SUPT6H: variants seen among roughly 807,000 people sequenced by gnomAD.
The protein encoded by SUPT6H is SPT6 homolog, histone chaperone and transcription elongation factor, also known as transcription elongation factor SPT6.
Under a neutral mutation model 222.3 loss-of-function variants are expected in SUPT6H, and 11 were observed. That is an observed-to-expected ratio of 0.05 (90% confidence interval 0.03 to 0.08). The LOEUF (loss-of-function observed/expected upper bound fraction) is 0.08, where lower values mean the gene tolerates loss of function less well. SUPT6H is among the 10% of genes least tolerant of loss of function. The pLI is 1.00. For missense variants in SUPT6H, 1,422 were observed against 2,216.0 expected, an observed-to-expected ratio of 0.64 and a Z score of 7.19; for synonymous variants, 762 against 801.2, an observed-to-expected ratio of 0.95 and a Z score of 0.83.
chr17:28,682,985 A>C lies in SUPT6H; in HGVS notation c.1771A>C (p.Met591Leu), dbSNP rs1295031306. 1 of 1,613,620 alleles carries C rather than the reference A, an allele frequency of 6.2e-7. No homozygotes were observed. The highest frequency in any genetic ancestry group is 8.5e-7 in the Non-Finnish European group (1 of 1,179,836). Reference protein sequence around the residue: ...PEAVLEGARYMVALQIAREPL... With the variant: ...PEAVLEGARYLVALQIAREPL... ...AGCTGTGCTAGAAGGCGCCCGCTAC[A>C]TGGTAGCCCTGCAGATTGCCCGTGA... The change falls in exon 15 of 37, where the codon ATG becomes CTG. Residue 591 changes from methionine to leucine, a missense_variant. Physicochemically the swap from Met to Leu is conservative, Grantham distance 15 (BLOSUM62 2). Coordinates refer to ENST00000314616, the MANE Select transcript of SUPT6H (RefSeq NM_003170.5).
rs577175667 is a variant in SUPT6H, at chr17:28,687,973, G to A, written c.3007-118G>A. 44 of 1,177,148 alleles carry A rather than the reference G, an allele frequency of 3.7e-5. No individual in the cohort carries two copies. The South Asian group carries it at 1.0e-3, about 28-fold the overall frequency. The allele number at this position is 1,177,148 out of a possible 1,614,324, so 72.9% of individuals were successfully genotyped here. On this transcript the variant is annotated intron_variant, in intron 23 of 36. Transcript: ENST00000314616. ...TGAGTGGTCGATAGCATGCTGTAGT[G>A]CTCAACTAGATACTGGGTGGGACAG... is the stretch of plus-strand genomic sequence containing the variant.
intron 35 of SUPT6H, 44 bp from the exon 36 acceptor site, chr17:28,700,897 C>T (rs754202142): frequency 6.4e-7 from 1 of 1,563,774 alleles, no homozygotes; most frequent in African/African-American, 1.4e-5. Flanking sequence ...CAAGGCCAAA[C>T]AAGCCCCACA....
rs1010804786 is a variant in SUPT6H, at chr17:28,687,294, A to C, written c.2839-10A>C. The C allele has an allele frequency of 9.9e-6, 16 of 1,614,120 alleles. No individual in the cohort carries two copies. The highest frequency in any genetic ancestry group is 1.4e-5 in the Non-Finnish European group (16 of 1,180,008). ...GAGTAACCTTACTCCTGCCTGCTGA[A>C]TGTCCACAGGAGCATGTGGTGAAAG... On this transcript the variant is annotated splice_polypyrimidine_tract_variant and intron_variant, in intron 22 of 36. Coordinates refer to ENST00000314616, the MANE Select transcript of SUPT6H (RefSeq NM_003170.5).
Position 28,683,071 on chromosome 17 carries a change from C to T in SUPT6H, c.1857C>T (p.Thr619=), listed in dbSNP as rs999609636. The T allele has an allele frequency of 3.7e-6, 6 of 1,606,370 alleles. No homozygotes were observed. Among genetic ancestry groups the T allele is most frequent in the Non-Finnish European group, 5.1e-6 (6 of 1,177,566 alleles). The part of the protein sequence containing the change: ...TFQERAKLNI[T]PTKKGRKDVD... The stretch of plus-strand genomic sequence containing the variant: ...AAGAGAGAGCCAAGTTAAATATAAC[C>T]CCCACCAAGAAAGGTAGAAAGGTGA... Residue 619 remains threonine, a synonymous_variant, in exon 15 of 37, where the codon ACC becomes ACT. Transcript: ENST00000314616.
At chr17:28,664,397 T>C (rs1391914258) in intron 1 of SUPT6H, among the ~76,000 whole-genome samples, 1 of 152,196 alleles carries the variant, frequency 6.6e-6, no homozygotes, top group African/African-American at 2.4e-5. Flanking sequence ...TCCCAGCTAC[T>C]TGGGAGGCTG....
In SUPT6H at chr17:28,678,829, G is replaced by T; in HGVS notation, c.1215G>T (p.Gln405His). Residue 405 changes from glutamine (Q) to histidine (H), a missense_variant, in exon 11 of 37, where the codon CAG becomes CAT. Gln to His is a conservative substitution (Grantham distance 24). This residue lies in a region of SUPT6H where 389 missense variants were observed against 544.6 expected (regional missense o/e 0.71). Coordinates refer to ENST00000314616, the MANE Select transcript of SUPT6H (RefSeq NM_003170.5). The part of the protein sequence containing the change: ...RVWQWDEKWT[Q>H]LRIRKENLTR... ...GCCCTACTTCACCTTAGTGGACCCAGCTGCGGATCCGTAAAGAGAACCTAA... is the reference window on the plus strand; with the variant it reads ...GCCCTACTTCACCTTAGTGGACCCATCTGCGGATCCGTAAAGAGAACCTAA... 6.2e-7 allele frequency: 1 copy of T among 1,614,150 alleles called. No individual in the cohort carries two copies. Among genetic ancestry groups the T allele is most frequent in the African/African-American group, 1.3e-5 (1 of 75,024 alleles).
rs745675341 is a variant in SUPT6H at position 28,677,719 on chromosome 17, G to A, written c.902G>A (p.Arg301His). The change falls in exon 8 of 37, where the codon CGC becomes CAC. Residue 301 changes from arginine to histidine, a missense_variant. Physicochemically the swap from Arg to His is conservative, Grantham distance 29. Transcript: ENST00000314616. ...ATDLPERFQLRSIPVKGAEDD... is the reference protein window; with the variant it reads ...ATDLPERFQLHSIPVKGAEDD... ...CTGTTGTCTTATCCACTCCAGCTCCGCTCCATCCCAGTCAAGGGGGCTGAA... is the reference window on the plus strand; with the variant it reads ...CTGTTGTCTTATCCACTCCAGCTCCACTCCATCCCAGTCAAGGGGGCTGAA... 4.3e-6 allele frequency: 7 copies of A among 1,613,734 alleles called. No homozygotes were observed. Among genetic ancestry groups the A allele is most frequent in the South Asian group, 2.2e-5 (2 of 91,078 alleles).
chr17:28,663,004 G>A (rs891170304), intron 1 of SUPT6H, among the ~76,000 whole-genome samples: 1 of 152,162 alleles, frequency 6.6e-6, no homozygotes, highest in African/African-American at 2.4e-5. Flanking sequence ...CTTTGAACCA[G>A]CTGGAGAAGT....
chr17:28,695,205 G>C (rs2031845612), intron 28 of SUPT6H, 147 bp from the exon 29 acceptor site: 2 of 744,046 alleles, frequency 2.7e-6, no homozygotes, highest in Non-Finnish European at 4.3e-6. Context: ...CAAACTCCCA[G>C]TCTGCCATTC....
rs141195455 is a variant in SUPT6H at position 28,693,641 on chromosome 17, A to G, written c.3634-55A>G. On this transcript the variant is annotated intron_variant, in intron 27 of 36. Coordinates refer to ENST00000314616, the MANE Select transcript of SUPT6H (RefSeq NM_003170.5). Reference sequence around the variant, plus strand: ...AACACCTCTGGGAGCTCTTTTCTGAATGAGCGATCTCCAGAATATTGATAA... The same window carrying G: ...AACACCTCTGGGAGCTCTTTTCTGAGTGAGCGATCTCCAGAATATTGATAA... The G allele has an allele frequency of 7.5e-6, 12 of 1,605,712 alleles. No individual in the cohort carries two copies. In the East Asian group the frequency reaches 2.7e-4, roughly 36 times the overall value.
At position 28,693,851 on chromosome 17, in the gene SUPT6H, G is replaced by C. The variant is rs747162734; in HGVS notation, c.3774+15G>C. The C allele has an allele frequency of 1.9e-6, 3 of 1,614,120 alleles. No homozygotes were observed. The Admixed American group carries it at 5.0e-5, about 27-fold the overall frequency. ...AACGAGTGAAGGTAGAGGACTGATT[G>C]TCCTAAGGTCGTAGTGCAATTTTCA... On this transcript the variant is annotated intron_variant, in intron 28 of 36. Coordinates refer to ENST00000314616, the MANE Select transcript of SUPT6H (RefSeq NM_003170.5).
intron 1 of SUPT6H, 33 bp from the exon 2 acceptor site, chr17:28,673,338 G>GT (rs1385555254): frequency 7.2e-6 from 10 of 1,392,194 alleles, no homozygotes; most frequent in Middle Eastern, 1.8e-4. Flanking sequence ...TCATGTGTCC[G>GT]TTTTTTTATC....
At chr17:28,669,546 G>A (rs948169) in intron 1 of SUPT6H, among the ~76,000 whole-genome samples, 78,308 of 152,122 alleles carry the variant, frequency 0.51, 24,403 homozygotes, top group Non-Finnish European at 0.68. Context: ...GCTCACTCCT[G>A]TAATCCCAGA....
chr17:28,684,496 GTGTA>G, intron 17 of SUPT6H, 86 bp from the exon 18 acceptor site: 1 of 1,495,798 alleles, frequency 6.7e-7, no homozygotes, highest in African/African-American at 1.4e-5. Flanking sequence ...TCGCACATGT[GTGTA>G]TGAGTGTGTT....
At position 28,701,553 on chromosome 17, in the gene SUPT6H, C is replaced by T. The variant is rs1328700685; in HGVS notation, c.5109C>T (p.Ser1703=). The change falls in exon 37 of 37, where the codon AGC becomes AGT. Residue 1703 remains serine (S), a synonymous_variant. Coordinates refer to ENST00000314616, the MANE Select transcript of SUPT6H (RefSeq NM_003170.5). ...GGCTGACACCTCGGCCCTCCCCCAG[C>T]CCCATGATCGAAAGCACCCCCATGT... ...KQRLTPRPSP[S]PMIESTPMSI... 7 of 1,614,148 alleles carry T rather than the reference C, an allele frequency of 4.3e-6. No homozygotes were observed. The highest frequency in any genetic ancestry group is 1.7e-5 in the Admixed American group (1 of 60,028).
Position 28,701,513 on chromosome 17 carries a change from G to T in SUPT6H, c.5069G>T (p.Arg1690Leu), listed in dbSNP as rs374646312. The stretch of plus-strand genomic sequence containing the variant: ...CTGCAGGAAAAGGAGGCAGAACGGC[G>T]GAAACAGAAGCAGCGGCTGACACCT... ...QWLQEKEAER[R>L]KQKQRLTPRP... Residue 1690 changes from arginine (R) to leucine (L), a missense_variant, in exon 37 of 37, where the codon CGG becomes CTG. Arg to Leu is a moderately radical substitution (Grantham distance 102). Around this residue, in one of 13 missense-constraint regions of SUPT6H, gnomAD observed 395 missense variants for 580.6 expected, o/e 0.68. Coordinates refer to ENST00000314616, the MANE Select transcript of SUPT6H (RefSeq NM_003170.5). The T allele has an allele frequency of 1.2e-6, 2 of 1,614,166 alleles. No homozygotes were observed. Among genetic ancestry groups the T allele is most frequent in the Admixed American group, 3.3e-5 (2 of 60,026 alleles).
In SUPT6H at chr17:28,684,912, A is replaced by G; in HGVS notation, c.2438A>G (p.His813Arg). 1 of 1,614,192 alleles carries G rather than the reference A, an allele frequency of 6.2e-7. No individual in the cohort carries two copies. Among genetic ancestry groups the G allele is most frequent in the Non-Finnish European group, 8.5e-7 (1 of 1,180,044 alleles). Residue 813 changes from histidine (H) to arginine (R), a missense_variant, in exon 19 of 37, where the codon CAT becomes CGT. His to Arg is a conservative substitution (Grantham distance 29, BLOSUM62 0). Around this residue, in one of 13 missense-constraint regions of SUPT6H, gnomAD observed 294 missense variants for 382.1 expected, o/e 0.77. Transcript: ENST00000314616. ...GEVTDFLRLP[H>R]FTKRRTAWRE... ...GTGACAGACTTCCTTCGACTGCCCCATTTTACCAAACGGCGAACTGCATGG... is the reference window on the plus strand; with the variant it reads ...GTGACAGACTTCCTTCGACTGCCCCGTTTTACCAAACGGCGAACTGCATGG...
chr17:28,683,509 C>T, intron 16 of SUPT6H, 87 bp downstream of exon 16: 2 of 1,587,340 alleles, frequency 1.3e-6, no homozygotes, highest in Non-Finnish European at 1.7e-6. Context: ...AGTGGGGAAC[C>T]ACAATTTCAG....
Position 28,687,289 on chromosome 17 carries a change from G to A in SUPT6H, c.2839-15G>A. 1 of 1,614,168 alleles carries A rather than the reference G, an allele frequency of 6.2e-7. No individual in the cohort carries two copies. ...AGGCAGAGTAACCTTACTCCTGCCT[G>A]CTGAATGTCCACAGGAGCATGTGGT... is the stretch of plus-strand genomic sequence containing the variant. On this transcript the variant is annotated splice_polypyrimidine_tract_variant and intron_variant, in intron 22 of 36. Transcript: ENST00000314616.
Sources: gnomAD v4.1 joint callset for allele counts (sites outside exome capture counted in the v4.1 genomes callset) on GRCh38, gnomAD v4.1.1 for gene constraint, gnomAD v4.1.1 regional missense constraint, MANE v1.5 for transcripts, NCBI Gene and HGNC (gene_info 2026-07-23, HGNC 2026-07-21) for gene names.